ST18: variants seen among roughly 807,000 people sequenced by gnomAD.
ST18 encodes the protein ST18 C2H2C-type zinc finger transcription factor.
A neutral mutation model predicts 110.0 loss-of-function variants in ST18; 50 were observed. That is an observed-to-expected ratio of 0.45 (90% confidence interval 0.36 to 0.58). ST18 has a LOEUF of 0.58. Among genes scored for constraint, ST18 ranks in the 20% least tolerant of loss-of-function variants. The pLI, the probability that ST18 is intolerant of heterozygous loss-of-function variation, is 0.00. For synonymous variants in ST18, 461 were observed against 452.4 expected, an observed-to-expected ratio of 1.02 and a Z score of -0.24; for missense variants, 1,306 against 1,280.1, an observed-to-expected ratio of 1.02 and a Z score of -0.31.
chr8:52,237,934 T>C (rs79947426), intron 2 of ST18, among the ~76,000 whole-genome samples: 11,940 of 152,112 alleles, frequency 0.078, 988 homozygotes, highest in African/African-American at 0.2. Context: ...AAAGAAGTTA[T>C]ACAAATGAGC....
At chr8:52,229,401 T>C (rs961723328) in intron 3 of ST18, among the ~76,000 whole-genome samples, 1 of 152,218 alleles carries the variant, frequency 6.6e-6, no homozygotes, top group Non-Finnish European at 1.5e-5. Context: ...TGGAATCCAG[T>C]TCCTTGCTGT....
At chr8:52,137,292 G>A in intron 18 of ST18, 129 bp downstream of exon 18, 1 of 926,132 alleles carries the variant, frequency 1.1e-6, no homozygotes, top group East Asian at 2.7e-5. Context: ...TTCTGAAAAA[G>A]AAAATAAACC....
intron 22 of ST18, among the ~76,000 whole-genome samples, chr8:52,131,118 A>C (rs923621999): frequency 4.6e-5 from 7 of 152,226 alleles, no homozygotes; most frequent in African/African-American, 1.7e-4. Flanking sequence ...TTCTGATATC[A>C]TCCGTATATA....
chr8:52,180,386 G>A, intron 8 of ST18, 74 bp from the exon 9 acceptor site: 3 of 1,541,926 alleles, frequency 1.9e-6, no homozygotes, highest in African/African-American at 2.7e-5. Context: ...CTTTCATGAA[G>A]TCTAACCTAA....
At chr8:52,164,202 A>G (rs2062232046) in intron 12 of ST18, 112 bp from the exon 13 acceptor site, 1 of 880,632 alleles carries the variant, frequency 1.1e-6, no homozygotes, top group Non-Finnish European at 1.8e-6. Flanking sequence ...TCATATTAAT[A>G]GTTCACTTAG....
chr8:52,380,822 A>G (rs1834248784), intron 2 of ST18, among the ~76,000 whole-genome samples: 1 of 152,206 alleles, frequency 6.6e-6, no homozygotes, highest in African/African-American at 2.4e-5. Flanking sequence ...GGAGAGAATC[A>G]GCATTCAATC....
intron 2 of ST18, among the ~76,000 whole-genome samples, chr8:52,331,984 G>A (rs1025467895): frequency 2.6e-5 from 4 of 151,866 alleles, no homozygotes; most frequent in Non-Finnish European, 5.9e-5. Flanking sequence ...AATTCTGTGT[G>A]AAAAAGTATA....
Position 52,365,312 on chromosome 8 carries a change from C to G in ST18, c.-465+44016G>C, listed in dbSNP as rs979306232. On this transcript the variant is annotated intron_variant, in intron 2 of 25. Coordinates refer to ENST00000689386, the MANE Select transcript of ST18 (RefSeq NM_001352837.2). ...AGAATGTTTCGCCAAAGCTAAATGACTGACTCAGGCTATAGCAAGAACCAG... is the reference window on the plus strand; with the variant it reads ...AGAATGTTTCGCCAAAGCTAAATGAGTGACTCAGGCTATAGCAAGAACCAG... 4.6e-5 allele frequency among the ~76,000 whole-genome samples: 7 copies of G among 152,218 alleles called. No individual in the cohort carries two copies. In the South Asian group the frequency reaches 1.5e-3, roughly 32 times the overall value.
intron 2 of ST18, among the ~76,000 whole-genome samples, chr8:52,343,176 G>C (rs1815963771): frequency 6.6e-6 from 1 of 152,152 alleles, no homozygotes; most frequent in African/African-American, 2.4e-5. Flanking sequence ...AAGCTCTTTA[G>C]CCAGGGCAGA....
At chr8:52,345,579 C>T (rs549826681) in intron 2 of ST18, among the ~76,000 whole-genome samples, 11 of 152,308 alleles carry the variant, frequency 7.2e-5, no homozygotes, top group African/African-American at 2.4e-4. Flanking sequence ...AACCTGCAGC[C>T]GTCCCAGCTG....
At chr8:52,246,661 G>T (rs1402443512) in intron 2 of ST18, 2 of 152,094 alleles carry the variant, frequency 1.3e-5, no homozygotes, top group Non-Finnish European at 2.9e-5. Context: ...CAAAATTGGG[G>T]GCTCTGGAAG....
intron 4 of ST18, among the ~76,000 whole-genome samples, chr8:52,221,195 A>G (rs78858704): frequency 0.03 from 4,623 of 152,152 alleles, 127 homozygotes; most frequent in East Asian, 0.079. Context: ...GGGACTCTTA[A>G]TGATCATTAC....
At position 52,326,722 on chromosome 8, in the gene ST18, C is replaced by A. The variant is rs527678775; in HGVS notation, c.-465+82606G>T. On this transcript the variant is annotated intron_variant, in intron 2 of 25. Coordinates refer to ENST00000689386, the MANE Select transcript of ST18 (RefSeq NM_001352837.2). ...AGAAGCCATAGGGAGTGCATGATTTCATAAATACTGAAAAAGAATTATTGC... is the reference window on the plus strand; with the variant it reads ...AGAAGCCATAGGGAGTGCATGATTTAATAAATACTGAAAAAGAATTATTGC... 1.6e-4 allele frequency among the ~76,000 whole-genome samples: 24 copies of A among 152,304 alleles called. 1 individual carries two copies. The South Asian group carries it at 4.8e-3, about 30-fold the overall frequency.
At chr8:52,286,983 A>G (rs2095481206) in intron 2 of ST18, among the ~76,000 whole-genome samples, 1 of 152,134 alleles carries the variant, frequency 6.6e-6, no homozygotes, top group Admixed American at 6.6e-5. Flanking sequence ...CCACTGGTCT[A>G]AAGAAAATAA....
intron 2 of ST18, among the ~76,000 whole-genome samples, chr8:52,383,912 T>C (rs1835550676): frequency 6.6e-6 from 1 of 152,126 alleles, no homozygotes; most frequent in African/African-American, 2.4e-5. Context: ...CTCACCCAGC[T>C]AGTTTTTGTT....
intron 9 of ST18, among the ~76,000 whole-genome samples, chr8:52,173,781 CCA>C (rs2065885491): frequency 1.3e-5 from 2 of 152,160 alleles, no homozygotes. Flanking sequence ...GTTAAAGACA[CCA>C]AGAGCAGTGC....
chr8:52,323,800 A>G (rs1267405391), intron 2 of ST18, among the ~76,000 whole-genome samples: 3 of 152,202 alleles, frequency 2.0e-5, no homozygotes, highest in Non-Finnish European at 4.4e-5. Context: ...GCCTGTCTTC[A>G]GTGCTCGCTC....
At chr8:52,217,706 T>G (rs936340294) in intron 6 of ST18, 40 bp downstream of exon 6, 1 of 152,202 alleles carries the variant, frequency 6.6e-6, no homozygotes, top group Non-Finnish European at 1.5e-5. Flanking sequence ...TGGGTTGAAT[T>G]TGGAAAGCTC....
intron 8 of ST18, among the ~76,000 whole-genome samples, chr8:52,197,010 A>G (rs2076393792): frequency 6.6e-6 from 1 of 152,264 alleles, no homozygotes; most frequent in Non-Finnish European, 1.5e-5. Context: ...CAGTTATTTT[A>G]TAAACAAAAT....
Sources: gnomAD v4.1 joint callset for allele counts (sites outside exome capture counted in the v4.1 genomes callset) on GRCh38, gnomAD v4.1.1 for gene constraint, MANE v1.5 for transcripts, NCBI Gene and HGNC (gene_info 2026-07-23, HGNC 2026-07-21) for gene names.